CLCN1: variants seen among roughly 807,000 people sequenced by gnomAD.
CLCN1 encodes the protein chloride channel protein 1.
A neutral mutation model predicts 114.5 loss-of-function variants in CLCN1; 100 were observed. That is an observed-to-expected ratio of 0.87 (90% CI 0.74 to 1.03). The LOEUF is 1.03. CLCN1 is among the 50% of genes least tolerant of loss of function. The pLI, the probability that CLCN1 is intolerant of heterozygous loss-of-function variation, is 0.00. For missense variants in CLCN1, 1,188 were observed against 1,250.0 expected (o/e 0.95, Z 0.75); for synonymous variants, 485 against 487.1 (o/e 1.00, Z 0.06).
chr7:143,317,449 A>T (rs1802317708), intron 1 of CLCN1, among the ~76,000 whole-genome samples: 1 of 151,998 alleles, frequency 6.6e-6, no homozygotes, highest in Non-Finnish European at 1.5e-5. Flanking sequence ...GGGTTTTGCC[A>T]TGTTGGCCAG....
intron 22 of CLCN1, among the ~76,000 whole-genome samples, chr7:143,351,109 G>T (rs933887092): frequency 6.6e-6 from 1 of 152,166 alleles, no homozygotes; most frequent in Non-Finnish European, 1.5e-5. Flanking sequence ...GAGATTGGAG[G>T]GGGTAGAGCA....
chr7:143,331,455 G>T, intron 9 of CLCN1, 96 bp from the exon 10 acceptor site: 2 of 1,130,730 alleles, frequency 1.8e-6, no homozygotes, highest in Non-Finnish European at 2.7e-6. Flanking sequence ...AGATAGGAAA[G>T]GCAGAAGCCT....
In CLCN1 at chr7:143,339,670, T is replaced by A; in HGVS notation, c.1582+49T>A. 1.8e-6 allele frequency: 2 copies of A among 1,123,270 alleles called. No homozygotes were observed. The highest frequency in any genetic ancestry group is 2.7e-6 in the Non-Finnish European group (2 of 732,524). 69.6% of individuals were successfully genotyped at this position (1,123,270 alleles called of 1,614,324 possible). A position where few individuals can be genotyped will look rare whatever the true frequency, so the allele number is the denominator to read the frequency against. On this transcript the variant is annotated intron_variant, in intron 14 of 22. Transcript: ENST00000343257. The surrounding 1 kb of genome is among the most constrained non-coding windows in gnomAD (Gnocchi z 4.1). ...GTAATCAAACATTGAGTACTTCAGA[T>A]CCCCACACTTAAACTCTCCCATTGG... is the stretch of plus-strand genomic sequence containing the variant.
At chr7:143,338,656 G>T (rs560491804) in intron 12 of CLCN1, among the ~76,000 whole-genome samples, 1 of 152,052 alleles carries the variant, frequency 6.6e-6, no homozygotes, top group African/African-American at 2.4e-5. Flanking sequence ...GCATGGTGGC[G>T]TGCGCCTATA....
intron 12 of CLCN1, among the ~76,000 whole-genome samples, chr7:143,337,994 T>C (rs1308911111): frequency 6.7e-6 from 1 of 150,182 alleles, no homozygotes; most frequent in Non-Finnish European, 1.5e-5. Context: ...GCCTGGCTAA[T>C]TTATTTTTTA....
intron 1 of CLCN1, among the ~76,000 whole-genome samples, chr7:143,318,402 T>C (rs1390423721): frequency 1.3e-5 from 2 of 152,140 alleles, no homozygotes; most frequent in Admixed American, 1.3e-4. Flanking sequence ...TTTGTATTTT[T>C]AGTAGAGACG....
At chr7:143,349,318 G>T (rs1222674793) in intron 20 of CLCN1, among the ~76,000 whole-genome samples, 1 of 152,178 alleles carries the variant, frequency 6.6e-6, no homozygotes, top group Non-Finnish European at 1.5e-5. Flanking sequence ...TTGTAATCCA[G>T]AAATATCAGG....
At position 143,342,001 on chromosome 7, in the gene CLCN1, A is replaced by T. The variant is rs80356696; in HGVS notation, c.1655A>T (p.Gln552Leu). 1 of 1,614,222 alleles carries T rather than the reference A, an allele frequency of 6.2e-7. No homozygotes were observed. The stretch of plus-strand genomic sequence containing the variant: ...GTGATTTGCTTCGAATTAACGGGTC[A>T]GATTGCTCACATCCTGCCCATGATG... ...TAVICFELTG[Q>L]IAHILPMMVA... The change falls in exon 15 of 23, where the codon CAG becomes CTG. Residue 552 changes from glutamine (Q) to leucine (L), a missense_variant. Gln to Leu is a moderately radical substitution (Grantham distance 113). Coordinates refer to ENST00000343257, the MANE Select transcript of CLCN1 (RefSeq NM_000083.3).
At chr7:143,341,845 G>T in intron 14 of CLCN1, 84 bp from the exon 15 acceptor site, 1 of 1,056,518 alleles carries the variant, frequency 9.5e-7, no homozygotes. Context: ...CTCTCATTCC[G>T]TGTTATTCCC....
At chr7:143,323,683 G>C in intron 6 of CLCN1, 1 of 581,666 alleles carries the variant, frequency 1.7e-6, no homozygotes, top group Admixed American at 2.2e-5. Context: ...CACCCCCTCT[G>C]TGTTAGTTTC....
chr7:143,334,759 T>C (rs1276582696), intron 12 of CLCN1, among the ~76,000 whole-genome samples: 1 of 152,248 alleles, frequency 6.6e-6, no homozygotes, highest in African/African-American at 2.4e-5. Flanking sequence ...GGTGGTTTAG[T>C]TGAATCTACA....
rs1802450616 is a variant in CLCN1, at chr7:143,321,919, G to A, written c.696+71G>A. 3 of 1,542,012 alleles carry A rather than the reference G, an allele frequency of 1.9e-6. No homozygotes were observed. Among genetic ancestry groups the A allele is most frequent in the African/African-American group, 1.4e-5 (1 of 73,324 alleles). ...AGCCAGGGTGGCACCAACTCTAGAG[G>A]GAGCTCTGGGAGTGGAAGTGGATCA... On this transcript the variant is annotated intron_variant, in intron 5 of 22. Coordinates refer to ENST00000343257, the MANE Select transcript of CLCN1 (RefSeq NM_000083.3). The surrounding 1 kb of genome is among the most constrained non-coding windows in gnomAD (Gnocchi z 4.2).
At position 143,321,773 on chromosome 7, in the gene CLCN1, C is replaced by A; in HGVS notation, c.621C>A (p.Leu207=). Reference sequence around the variant, plus strand: ...GTGGGGTTGTCCTGAAGGAATACCTCACAATGAAAGCCTTTGTGGCCAAGG... The same window carrying A: ...GTGGGGTTGTCCTGAAGGAATACCTAACAATGAAAGCCTTTGTGGCCAAGG... ...ILRGVVLKEY[L]TMKAFVAKVV... Residue 207 remains leucine (L), a synonymous_variant, in exon 5 of 23, where the codon CTC becomes CTA. Coordinates refer to ENST00000343257, the MANE Select transcript of CLCN1 (RefSeq NM_000083.3). The surrounding 1 kb of genome is among the most constrained non-coding windows in gnomAD (Gnocchi z 4.2). 1.2e-6 allele frequency: 2 copies of A among 1,614,224 alleles called. No homozygotes were observed. Among genetic ancestry groups the A allele is most frequent in the Non-Finnish European group, 1.7e-6 (2 of 1,180,018 alleles).
Position 143,345,732 on chromosome 7 carries a change from T to TGAGGAC in CLCN1, c.2145_2150dup (p.Glu717_Asp718dup). On this transcript the variant is annotated inframe_insertion, in exon 17 of 23. Coordinates refer to ENST00000343257, the MANE Select transcript of CLCN1 (RefSeq NM_000083.3). ...AGTCCTTCGCCTTTGTGGATGAGGA[T>TGAGGAC]GAGGACGAAGACCTCTCTGGCAAGA... 1 of 1,592,092 alleles carries TGAGGAC rather than the reference T, an allele frequency of 6.3e-7. No homozygotes were observed. Among genetic ancestry groups the TGAGGAC allele is most frequent in the Non-Finnish European group, 8.5e-7 (1 of 1,170,344 alleles).
chr7:143,328,587 G>A (rs974101819), intron 7 of CLCN1, among the ~76,000 whole-genome samples: 1 of 152,142 alleles, frequency 6.6e-6, no homozygotes, highest in African/African-American at 2.4e-5. Flanking sequence ...TCAAAAAATT[G>A]TTGTAAAATA....
At chr7:143,329,341 T>C (rs1221765110) in intron 7 of CLCN1, among the ~76,000 whole-genome samples, 1 of 152,172 alleles carries the variant, frequency 6.6e-6, no homozygotes, top group Non-Finnish European at 1.5e-5. Context: ...AGTGCTATAA[T>C]AACCCAAAAT....
intron 22 of CLCN1, 63 bp from the exon 23 acceptor site, chr7:143,351,531 C>T: frequency 1.3e-6 from 2 of 1,561,572 alleles, no homozygotes; most frequent in South Asian, 2.3e-5. Flanking sequence ...GTGTCTCTCA[C>T]TGCCCCCGTC....
intron 16 of CLCN1, among the ~76,000 whole-genome samples, chr7:143,343,405 C>A (rs1049116403): frequency 2.0e-5 from 3 of 152,184 alleles, no homozygotes; most frequent in African/African-American, 7.2e-5. Flanking sequence ...AAAGCTGAAA[C>A]AAGAAGGTAC....
chr7:143,322,944 C>T (rs1367936627), intron 5 of CLCN1, among the ~76,000 whole-genome samples: 1 of 152,228 alleles, frequency 6.6e-6, no homozygotes, highest in East Asian at 1.9e-4. Context: ...GTCACTCTGC[C>T]CTGGGCCCCT....
Sources: allele counts gnomAD v4.1 joint callset (sites outside exome capture counted in the v4.1 genomes callset), GRCh38; gene constraint gnomAD v4.1.1; non-coding constraint Gnocchi (gnomAD v3.1); transcripts MANE v1.5; gene names NCBI Gene and HGNC (gene_info 2026-07-23, HGNC 2026-07-21).